The following OLR1 variants were observed in gnomAD, a reference collection of about 807,000 sequenced individuals.
The protein encoded by OLR1 is oxidized low density lipoprotein receptor 1.
A neutral mutation model predicts 31.7 loss-of-function variants in OLR1; 23 were observed. The observed-to-expected ratio is 0.72, with a 90% CI of 0.52 to 1.03. OLR1 has a LOEUF of 1.03. OLR1 is among the 50% of genes least tolerant of loss of function. The pLI, the probability that OLR1 is intolerant of heterozygous loss-of-function variation, is 0.00. For missense variants in OLR1, 286 were observed against 315.7 expected (o/e 0.91, Z 0.71); for synonymous variants, 117 against 115.8 (o/e 1.01, Z -0.07).
chr12:10,169,906 A>G (rs143765970), intron 1 of OLR1, among the ~76,000 whole-genome samples: 38 of 143,168 alleles, frequency 2.7e-4, no homozygotes, highest in African/African-American at 1.0e-3. Flanking sequence ...TGAATATACA[A>G]TTATGTGTTC....
At chr12:10,161,503 CAT>C (rs1442520573) in intron 3 of OLR1, among the ~76,000 whole-genome samples, 3 of 152,162 alleles carry the variant, frequency 2.0e-5, no homozygotes, top group South Asian at 2.1e-4. Context: ...TGCTTTCAGA[CAT>C]GTGTTGTCTA....
chr12:10,159,664 G>C lies in OLR1; in HGVS notation c.*216C>G. On this transcript the variant is annotated 3_prime_UTR_variant, in exon 6 of 6. Transcript: ENST00000309539. ...GGACTTCAGGCTGGCAGGGAAGCTT[G>C]GGACAAGCTAGGTGAAATAATACAG... The C allele has an allele frequency of 2.4e-6, 1 of 410,440 alleles. No homozygotes were observed. Among genetic ancestry groups the C allele is most frequent in the East Asian group, 3.5e-5 (1 of 28,752 alleles). 25.4% of individuals were successfully genotyped at this position (410,440 alleles called of 1,614,324 possible). A position where few individuals can be genotyped will look rare whatever the true frequency, so the allele number is the denominator to read the frequency against.
At chr12:10,169,299 A>C in intron 1 of OLR1, 124 bp from the exon 2 acceptor site, 1 of 572,462 alleles carries the variant, frequency 1.7e-6, no homozygotes, top group Non-Finnish European at 3.0e-6. Flanking sequence ...AGACATAAAT[A>C]GTTTGCATTC....
intron 2 of OLR1, among the ~76,000 whole-genome samples, chr12:10,168,397 G>A (rs1203353209): frequency 6.6e-6 from 1 of 151,912 alleles, no homozygotes; most frequent in African/African-American, 2.4e-5. Flanking sequence ...TTTTACTTTT[G>A]GGCCTCTCAG....
At chr12:10,171,651 G>T (rs780556110) in intron 1 of OLR1, among the ~76,000 whole-genome samples, 11 of 152,126 alleles carry the variant, frequency 7.2e-5, no homozygotes, top group African/African-American at 2.7e-4. Flanking sequence ...TATTAGCTCC[G>T]TGAAACTGGA....
intron 2 of OLR1, among the ~76,000 whole-genome samples, chr12:10,168,418 A>C (rs1481402686): frequency 6.6e-6 from 1 of 152,170 alleles, no homozygotes; most frequent in Non-Finnish European, 1.5e-5. Flanking sequence ...ATGATCTTGG[A>C]TATTAGTAAC....
chr12:10,171,927 C>T, intron 1 of OLR1, 75 bp downstream of exon 1: 3 of 1,104,898 alleles, frequency 2.7e-6, no homozygotes, highest in Non-Finnish European at 4.1e-6. Context: ...TTTCTAATCC[C>T]ATTCTTCGGT....
In OLR1 at chr12:10,159,800, G is replaced by C; in HGVS notation, c.*80C>G. 7.1e-7 allele frequency: 1 copy of C among 1,405,924 alleles called. No individual in the cohort carries two copies. The highest frequency in any genetic ancestry group is 2.0e-5 in the Admixed American group (1 of 49,498). 87.1% of individuals were successfully genotyped at this position (1,405,924 alleles called of 1,614,324 possible). ...GACAGTTTTCTGGGCTCTCATGTTT[G>C]GCACCCAAGTGACAAAGAATAGCTT... On this transcript the variant is annotated 3_prime_UTR_variant, in exon 6 of 6. Coordinates refer to ENST00000309539, the MANE Select transcript of OLR1 (RefSeq NM_002543.4).
intron 1 of OLR1, chr12:10,170,178 T>C (rs1948699143): frequency 6.6e-6 from 1 of 152,248 alleles, no homozygotes; most frequent in Admixed American, 6.5e-5. Context: ...TGTGAATGTA[T>C]AATGATCCAG....
upstream of OLR1, chr12:10,175,523 C>T (rs1948759351): frequency 6.6e-6 from 1 of 152,232 alleles, no homozygotes; most frequent in Non-Finnish European, 1.5e-5. Flanking sequence ...TTGCTGCTCA[C>T]ATAATTTGTG....
chr12:10,162,178 CCATCAT>C (rs1036836289), intron 3 of OLR1, among the ~76,000 whole-genome samples: 1 of 151,866 alleles, frequency 6.6e-6, no homozygotes, highest in Non-Finnish European at 1.5e-5. Context: ...ACTATCATCA[CCATCAT>C]CATCATCATC....
chr12:10,160,873 G>A lies in OLR1; in HGVS notation c.477C>T (p.Ser159=). The part of the protein sequence containing the change: ...IWHGENCYLF[S]SGSFNWEKSQ... ...TCTTTTCCCAGTTAAATGAGCCCGA[G>A]GAAAATAGGTAACAGTTTTCTCCAT... Residue 159 remains serine, a synonymous_variant, in exon 4 of 6, where the codon TCC becomes TCT. Transcript: ENST00000309539. The A allele has an allele frequency of 6.2e-7, 1 of 1,614,128 alleles. No individual in the cohort carries two copies. Among genetic ancestry groups the A allele is most frequent in the South Asian group, 1.1e-5 (1 of 91,082 alleles).
chr12:10,160,789 A>T lies in OLR1; in HGVS notation c.561T>A (p.Asp187Glu). 1 of 1,614,120 alleles carries T rather than the reference A, an allele frequency of 6.2e-7. No individual in the cohort carries two copies. ...ACAAATATCCATGAACACTCACCAG[A>T]TCAGCTGTGCTATTAATTTTCAGCA... Reference protein sequence around the residue: ...AKLLKINSTADLDFIQQAISY... With the variant: ...AKLLKINSTAELDFIQQAISY... The change falls in exon 4 of 6, where the codon GAT becomes GAA. Residue 187 changes from aspartate to glutamate, a missense_variant. Coordinates refer to ENST00000309539, the MANE Select transcript of OLR1 (RefSeq NM_002543.4).
chr12:10,160,263 GGA>G, intron 5 of OLR1, 82 bp downstream of exon 5: 1 of 1,100,242 alleles, frequency 9.1e-7, no homozygotes, highest in Non-Finnish European at 1.3e-6. Context: ...GACATTGGTG[GGA>G]TGCAGGCAGT....
At chr12:10,162,229 G>GTTTCCCCTTTT (rs1948626672) in intron 3 of OLR1, among the ~76,000 whole-genome samples, 2 of 151,938 alleles carry the variant, frequency 1.3e-5, no homozygotes, top group South Asian at 4.2e-4. Flanking sequence ...AAAGTACTCT[G>GTTTCCCCTTTT]GTCTACACTA....
At chr12:10,172,982 C>T (rs1311234128), upstream of OLR1, among the ~76,000 whole-genome samples, 4 of 152,060 alleles carry the variant, frequency 2.6e-5, no homozygotes, top group Admixed American at 6.6e-5. Context: ...TCAAATGACA[C>T]GCTGGTTAAA....
chr12:10,166,783 T>C lies in OLR1; in HGVS notation c.353A>G (p.Lys118Arg). The C allele has an allele frequency of 6.2e-7, 1 of 1,613,990 alleles. No homozygotes were observed. The highest frequency in any genetic ancestry group is 8.5e-7 in the Non-Finnish European group (1 of 1,179,998). The change falls in exon 3 of 6, where the codon AAA becomes AGA. Residue 118 changes from lysine (K) to arginine (R), a missense_variant. By Grantham distance (26) the Lys-to-Arg change is conservative. Transcript: ENST00000309539. ...CTGGTGGTGAAGTTCCATTTGCTCT[T>C]TGGATTTCTCATTCAGCTTCCGAGC... The part of the protein sequence containing the change: ...TLARKLNEKS[K>R]EQMELHHQNL...
rs916819721 is a variant in OLR1, at chr12:10,158,589, G to A, written c.*1291C>T. On this transcript the variant is annotated 3_prime_UTR_variant, in exon 6 of 6. Coordinates refer to ENST00000309539, the MANE Select transcript of OLR1 (RefSeq NM_002543.4). ...AGCCGATTGGTGGTTTTCTGGGGAG[G>A]AGTCATCAGGAGGAGCATTGTGACA... 6.6e-6 allele frequency: 1 copy of A among 152,154 alleles called. No individual in the cohort carries two copies. Among genetic ancestry groups the A allele is most frequent in the African/African-American group, 2.4e-5 (1 of 41,428 alleles). The allele number at this position is 152,154 out of a possible 1,614,324, so 9.4% of individuals were successfully genotyped here. A position where few individuals can be genotyped will look rare whatever the true frequency, so the allele number is the denominator to read the frequency against.
chr12:10,165,675 C>T (rs1591981603), intron 3 of OLR1, among the ~76,000 whole-genome samples: 1 of 149,190 alleles, frequency 6.7e-6, no homozygotes. Context: ...GCAAGAGAAT[C>T]ACTTGAACCC....
Sources: allele counts gnomAD v4.1 joint callset (sites outside exome capture counted in the v4.1 genomes callset), GRCh38; gene constraint gnomAD v4.1.1; transcripts MANE v1.5; gene names NCBI Gene and HGNC (gene_info 2026-07-23, HGNC 2026-07-21).